RARB: variants seen among roughly 807,000 people sequenced by gnomAD.
RARB encodes the protein HBV-activated protein.
A neutral mutation model predicts 51.9 loss-of-function variants in RARB; 17 were observed. That is an observed-to-expected ratio of 0.33 (90% CI 0.22 to 0.49). The LOEUF is 0.49. Among genes scored for constraint, RARB ranks in the 20% least tolerant of loss-of-function variants. The pLI, the probability that RARB is intolerant of heterozygous loss-of-function variation, is 0.99. For missense variants in RARB, 369 were observed against 550.8 expected (o/e 0.67, Z 3.30); for synonymous variants, 215 against 195.4 (o/e 1.10, Z -0.84).
intron 4 of RARB, among the ~76,000 whole-genome samples, chr3:25,172,402 C>T (rs964000360): frequency 2.6e-5 from 4 of 152,168 alleles, no homozygotes; most frequent in African/African-American, 7.2e-5. Flanking sequence ...CTACTCTTCT[C>T]ATCTGGAAAA....
intron 2 of RARB, among the ~76,000 whole-genome samples, chr3:24,905,276 T>G (rs1694834891): frequency 6.6e-6 from 1 of 152,180 alleles, no homozygotes; most frequent in African/African-American, 2.4e-5. Flanking sequence ...GTTTCAAATG[T>G]GATGACAGTA....
At position 25,512,051 on chromosome 3, in the gene RARB, G is replaced by A. The variant is rs148269827; in HGVS notation, c.448+10728G>A. 6.3e-4 allele frequency among the ~76,000 whole-genome samples: 96 copies of A among 152,284 alleles called. 1 individual carries two copies. The highest frequency in any genetic ancestry group is 3.4e-3 in the Middle Eastern group (1 of 294). Reference sequence around the variant, plus strand: ...GTCACTTAACATCTGTGTACACCAAGTTGCTTGTCTGTAACATGAAGAGAG... The same window carrying A: ...GTCACTTAACATCTGTGTACACCAAATTGCTTGTCTGTAACATGAAGAGAG... On this transcript the variant is annotated intron_variant, in intron 3 of 7. Coordinates refer to ENST00000330688, the MANE Select transcript of RARB (RefSeq NM_000965.5).
At chr3:25,512,659 C>T (rs1345816514) in intron 3 of RARB, among the ~76,000 whole-genome samples, 1 of 152,246 alleles carries the variant, frequency 6.6e-6, no homozygotes, top group Non-Finnish European at 1.5e-5. Context: ...CTTGAAGCCA[C>T]CTTCTTCCTA....
chr3:25,410,877 C>A (rs951508684), intron 5 of RARB, among the ~76,000 whole-genome samples: 1 of 152,194 alleles, frequency 6.6e-6, no homozygotes. Flanking sequence ...CTGCAGAGAG[C>A]CACTTGCTCA....
chr3:25,383,558 C>T lies in RARB; in HGVS notation c.179-77635C>T, dbSNP rs1575359583. ...TCCAATATAACTTTGTATGATGATG[C>T]AAATGTTCTATATTTATGTTATCTC... On this transcript the variant is annotated intron_variant, in intron 5 of 11. Transcript: ENST00000383772. 3.9e-5 allele frequency among the ~76,000 whole-genome samples: 6 copies of T among 152,290 alleles called. No individual in the cohort carries two copies. The South Asian group carries it at 1.2e-3, about 32-fold the overall frequency.
intron 1 of RARB, among the ~76,000 whole-genome samples, chr3:25,439,436 C>T (rs1018855522): frequency 1.8e-4 from 28 of 152,112 alleles, no homozygotes; most frequent in African/African-American, 5.6e-4. Flanking sequence ...GACAGGGTCT[C>T]GCTCTGTTGC....
intron 4 of RARB, among the ~76,000 whole-genome samples, chr3:25,165,262 C>T (rs901134007): frequency 2.2e-4 from 34 of 151,968 alleles, no homozygotes; most frequent in Non-Finnish European, 4.4e-5. Flanking sequence ...CTTCTCTGCT[C>T]TCTCTCATGT....
intron 2 of RARB, among the ~76,000 whole-genome samples, chr3:24,934,640 G>T (rs1695512742): frequency 6.6e-6 from 1 of 151,768 alleles, no homozygotes. Context: ...TAAAAGTTTT[G>T]GTTGCTTTCA....
At chr3:24,833,914 A>G (rs113768151) in intron 1 of RARB, among the ~76,000 whole-genome samples, 31 of 152,208 alleles carry the variant, frequency 2.0e-4, no homozygotes, top group African/African-American at 6.5e-4. Flanking sequence ...CACCTCTATC[A>G]TAACCCCTAG....
chr3:25,153,226 A>T (rs1051797772), intron 4 of RARB, among the ~76,000 whole-genome samples: 3 of 152,058 alleles, frequency 2.0e-5, no homozygotes, highest in Non-Finnish European at 4.4e-5. Flanking sequence ...ACCAGGAAAC[A>T]TGTGTATAGC....
intron 3 of RARB, among the ~76,000 whole-genome samples, chr3:25,096,458 T>A (rs562905883): frequency 6.6e-6 from 1 of 152,332 alleles, no homozygotes; most frequent in East Asian, 1.9e-4. Flanking sequence ...CAGTAGTCAT[T>A]AGTCACCAAT....
chr3:24,878,141 T>C (rs1703082573), intron 2 of RARB, among the ~76,000 whole-genome samples: 1 of 152,174 alleles, frequency 6.6e-6, no homozygotes, highest in South Asian at 2.1e-4. Context: ...TGAATAGTCT[T>C]TTATCATAAC....
At chr3:25,141,116 T>C (rs1700100588) in intron 4 of RARB, among the ~76,000 whole-genome samples, 1 of 152,242 alleles carries the variant, frequency 6.6e-6, no homozygotes. Flanking sequence ...TATACCGATA[T>C]TAAAAAATGT....
chr3:25,261,949 C>T (rs576197405), intron 5 of RARB, among the ~76,000 whole-genome samples: 40 of 152,254 alleles, frequency 2.6e-4, no homozygotes, highest in African/African-American at 9.6e-4. Context: ...TCTCATTCTG[C>T]CCTCTCCAAA....
At chr3:24,867,870 T>A (rs113487763) in intron 2 of RARB, among the ~76,000 whole-genome samples, 2 of 152,126 alleles carry the variant, frequency 1.3e-5, no homozygotes, top group Non-Finnish European at 2.9e-5. Flanking sequence ...GAAATTTTCA[T>A]TGACTGCCAT....
chr3:25,040,085 G>C (rs1559444112), intron 2 of RARB, among the ~76,000 whole-genome samples: 1 of 152,184 alleles, frequency 6.6e-6, no homozygotes, highest in Non-Finnish European at 1.5e-5. Flanking sequence ...ATGGTAATGT[G>C]GGTTGCATGT....
At chr3:25,240,208 A>T (rs926312822) in intron 5 of RARB, among the ~76,000 whole-genome samples, 8 of 151,976 alleles carry the variant, frequency 5.3e-5, no homozygotes, top group African/African-American at 1.9e-4. Context: ...TGCTGAATTT[A>T]TTAGGTGTAA....
At chr3:24,954,297 C>T (rs2125407490) in intron 2 of RARB, among the ~76,000 whole-genome samples, 1 of 152,146 alleles carries the variant, frequency 6.6e-6, no homozygotes, top group East Asian at 1.9e-4. Flanking sequence ...CATGTGTCCA[C>T]TGGTGTGGAT....
At chr3:25,571,985 T>C (rs1028694034) in intron 4 of RARB, among the ~76,000 whole-genome samples, 8 of 152,202 alleles carry the variant, frequency 5.3e-5, no homozygotes, top group Non-Finnish European at 1.0e-4. Flanking sequence ...TACCTGAAAG[T>C]ATGCCATTTA....
Sources: allele counts gnomAD v4.1 joint callset (sites outside exome capture counted in the v4.1 genomes callset), GRCh38; gene constraint gnomAD v4.1.1; transcripts MANE v1.5; gene names NCBI Gene and HGNC (gene_info 2026-07-23, HGNC 2026-07-21).